Variants in GPHN observed in about 807,000 individuals in gnomAD.
The protein encoded by GPHN is gephyrin.
In GPHN, 17 loss-of-function variants were observed where a neutral mutation model predicts 95.5. That is an observed-to-expected ratio of 0.18 (90% confidence interval 0.12 to 0.27). The LOEUF (loss-of-function observed/expected upper bound fraction) is 0.27. Among genes scored for constraint, GPHN ranks in the 10% least tolerant of loss-of-function variants. The pLI is 1.00. For synonymous variants in GPHN, 320 were observed against 322.5 expected (o/e 0.99, Z 0.08); for missense variants, 660 against 978.1 (o/e 0.67, Z 4.34).
chr14:67,320,176 C>A, the GPHN span: 1 of 1,547,828 alleles, frequency 6.5e-7, no homozygotes. Flanking sequence ...GTATTTATAT[C>A]TTTAATACAT....
At chr14:67,355,017 G>A in the GPHN span, among the ~76,000 whole-genome samples, 1 of 151,924 alleles carries the variant, frequency 6.6e-6, no homozygotes, top group Non-Finnish European at 1.5e-5. Flanking sequence ...TCTCCATGTT[G>A]GTCAGGCTGG....
chr14:67,169,108 C>G (rs1330013805), intron 21 of GPHN, 72 bp downstream of exon 21: 2 of 886,972 alleles, frequency 2.3e-6, no homozygotes, highest in Admixed American at 1.7e-5. Context: ...TCCTAACTGT[C>G]CAAAATAAAC....
At chr14:67,672,774 T>G in the GPHN span, among the ~76,000 whole-genome samples, 1 of 152,068 alleles carries the variant, frequency 6.6e-6, no homozygotes, top group Non-Finnish European at 1.5e-5. Context: ...ATAAATCAGA[T>G]CCCACAATGC....
At chr14:66,570,440 G>C (rs1198667362) in intron 1 of GPHN, among the ~76,000 whole-genome samples, 2 of 151,980 alleles carry the variant, frequency 1.3e-5, no homozygotes, top group African/African-American at 4.8e-5. Flanking sequence ...AGGTAGCTGG[G>C]ATTACCGGTG....
the GPHN span, among the ~76,000 whole-genome samples, chr14:67,438,518 T>C: frequency 6.6e-6 from 1 of 152,174 alleles, no homozygotes; most frequent in Admixed American, 6.5e-5. Context: ...TTATATCACC[T>C]GTGAAACAGG....
chr14:67,011,505 T>C (rs1019583642), intron 9 of GPHN, among the ~76,000 whole-genome samples: 2 of 143,676 alleles, frequency 1.4e-5, no homozygotes, highest in African/African-American at 5.3e-5. Context: ...GCCTAGGAGG[T>C]TGAGGCTGCA....
At chr14:67,414,938 A>G in the GPHN span, among the ~76,000 whole-genome samples, 12 of 152,240 alleles carry the variant, frequency 7.9e-5, no homozygotes, top group Middle Eastern at 3.2e-3. Context: ...TGGTAAAACC[A>G]GGGCCAGAAT....
chr14:66,723,456 C>G (rs1166879379), intron 2 of GPHN, among the ~76,000 whole-genome samples: 1 of 151,912 alleles, frequency 6.6e-6, no homozygotes, highest in South Asian at 2.1e-4. Context: ...TTGGATTGCT[C>G]ATGAAAATTT....
At chr14:67,067,535 G>C (rs1443775527) in intron 11 of GPHN, among the ~76,000 whole-genome samples, 3 of 152,206 alleles carry the variant, frequency 2.0e-5, no homozygotes, top group Admixed American at 1.3e-4. Context: ...CCTGCCTTTT[G>C]TTCAGCTATG....
the GPHN span, chr14:67,204,385 G>C: frequency 5.5e-6 from 4 of 723,640 alleles, no homozygotes; most frequent in Non-Finnish European, 6.8e-6. Context: ...GCTGCAGTGA[G>C]CCATGATCGC....
the GPHN span, chr14:67,572,023 C>T: frequency 6.8e-7 from 1 of 1,476,404 alleles, no homozygotes. Context: ...GCAGCTCCAC[C>T]CCCAGCCCCA....
chr14:67,142,045 CA>C (rs1389749362), intron 17 of GPHN, among the ~76,000 whole-genome samples: 1 of 152,044 alleles, frequency 6.6e-6, no homozygotes, highest in Non-Finnish European at 1.5e-5. Flanking sequence ...TCATAGAACC[CA>C]AGAGCAAGAA....
chr14:67,097,725 G>C (rs1172708648), intron 12 of GPHN, among the ~76,000 whole-genome samples: 1 of 151,686 alleles, frequency 6.6e-6, no homozygotes, highest in Non-Finnish European at 1.5e-5. Flanking sequence ...TTCTTAATTT[G>C]TATTTATATA....
At chr14:66,923,017 C>T (rs1227632368) in intron 7 of GPHN, 79 bp downstream of exon 7, 1 of 1,203,848 alleles carries the variant, frequency 8.3e-7, no homozygotes, top group Non-Finnish European at 1.2e-6. Flanking sequence ...TGCATCGCAT[C>T]CCTCCCTACA....
At chr14:66,569,497 T>C (rs943849168) in intron 1 of GPHN, among the ~76,000 whole-genome samples, 2 of 151,850 alleles carry the variant, frequency 1.3e-5, no homozygotes. Flanking sequence ...ACCCCATCTC[T>C]ACTAAAAATA....
At chr14:67,328,843 GT>G in the GPHN span, among the ~76,000 whole-genome samples, 93 of 152,304 alleles carry the variant, frequency 6.1e-4, 1 homozygote, top group African/African-American at 2.2e-3. Context: ...CTGTATCTCT[GT>G]TTTGGTACCA....
At chr14:67,545,945 TA>T in the GPHN span, among the ~76,000 whole-genome samples, 2,050 of 140,494 alleles carry the variant, frequency 0.015, 17 homozygotes, top group East Asian at 0.065. Context: ...GCTCTGCTGC[TA>T]AAAAAAAAAA....
intron 16 of GPHN, among the ~76,000 whole-genome samples, chr14:67,114,842 T>G (rs2078583494): frequency 6.6e-6 from 1 of 152,248 alleles, no homozygotes. Context: ...GTTAGTGTTT[T>G]GTTTAAGCTA....
At chr14:67,163,738 AAGGTTAATATTTC>A (rs1422947192) in intron 19 of GPHN, among the ~76,000 whole-genome samples, 3 of 152,218 alleles carry the variant, frequency 2.0e-5, no homozygotes, top group African/African-American at 7.2e-5. Flanking sequence ...GAGTGCTTAA[AAGGTTAATATTTC>A]ATCTGTATGA....
Sources: gnomAD v4.1 joint callset for allele counts (sites outside exome capture counted in the v4.1 genomes callset) on GRCh38, gnomAD v4.1.1 for gene constraint, MANE v1.5 for transcripts, NCBI Gene and HGNC (gene_info 2026-07-23, HGNC 2026-07-21) for gene names.